RETREG1: variants seen among roughly 807,000 people sequenced by gnomAD.
RETREG1 encodes family with sequence similarity 134 member B.
In RETREG1, 44 loss-of-function variants were observed where a neutral mutation model predicts 54.8. That is an observed-to-expected ratio of 0.80 (90% CI 0.63 to 1.03). RETREG1 has a LOEUF of 1.03. Among genes scored for constraint, RETREG1 ranks in the 50% least tolerant of loss-of-function variants. The pLI, the probability that RETREG1 is intolerant of heterozygous loss-of-function variation, is 0.00. For synonymous variants in RETREG1, 217 were observed against 238.5 expected (o/e 0.91, Z 0.83); for missense variants, 554 against 605.1 (o/e 0.92, Z 0.89).
rs779070741 is a variant in RETREG1 at position 16,483,422 on chromosome 5, C to G, written c.509G>C (p.Cys170Ser). 1.5e-5 allele frequency: 24 copies of G among 1,613,128 alleles called. No individual in the cohort carries two copies. The highest frequency in any genetic ancestry group is 1.7e-6 in the Non-Finnish European group (2 of 1,179,348). ...GAAATTCATCCATGATTCTGCAATA[C>G]AGTGGCTGAGCCTGGGTCTTTCATC... is the stretch of plus-strand genomic sequence containing the variant. Reference protein sequence around the residue: ...KPDERPRLSHCIAESWMNFSI... With the variant: ...KPDERPRLSHSIAESWMNFSI... The change falls in exon 4 of 9, where the codon TGT (cysteine) becomes TCT (serine). Residue 170 changes from cysteine to serine, a missense_variant. Physicochemically the swap from Cys to Ser is moderately radical, Grantham distance 112. Around this residue, in one of 4 missense-constraint regions of RETREG1, gnomAD observed 347 missense variants for 412.3 expected, o/e 0.84. Transcript: ENST00000306320.
At chr5:16,598,010 TC>T (rs1742949170) in intron 1 of RETREG1, among the ~76,000 whole-genome samples, 1 of 151,922 alleles carries the variant, frequency 6.6e-6, no homozygotes, top group Non-Finnish European at 1.5e-5. Flanking sequence ...CCACTCCAGT[TC>T]CAGGCTCTTC....
chr5:16,557,667 C>A (rs202051632), intron 3 of RETREG1, among the ~76,000 whole-genome samples: 4 of 151,120 alleles, frequency 2.6e-5, no homozygotes, highest in Non-Finnish European at 5.9e-5. Context: ...GAATAAAAGG[C>A]CCATTTGGGT....
intron 1 of RETREG1, among the ~76,000 whole-genome samples, chr5:16,604,543 A>G (rs1743134151): frequency 6.6e-6 from 1 of 152,218 alleles, no homozygotes; most frequent in South Asian, 2.1e-4. Flanking sequence ...CTTTACCTAG[A>G]AACTCAGGAA....
At chr5:16,524,141 C>T (rs1740624773) in intron 3 of RETREG1, among the ~76,000 whole-genome samples, 2 of 152,230 alleles carry the variant, frequency 1.3e-5, no homozygotes, top group Admixed American at 1.3e-4. Context: ...GCAACACCAG[C>T]AATGAACCCA....
chr5:16,614,149 T>A (rs1743426093), intron 1 of RETREG1, among the ~76,000 whole-genome samples: 1 of 152,210 alleles, frequency 6.6e-6, no homozygotes, highest in Admixed American at 6.5e-5. Flanking sequence ...ATAAATAAAA[T>A]GGATGGAAGA....
chr5:16,615,253 G>A (rs1215937988), intron 1 of RETREG1, among the ~76,000 whole-genome samples: 4 of 151,676 alleles, frequency 2.6e-5, no homozygotes, highest in African/African-American at 9.7e-5. Context: ...ACAAAAAACT[G>A]GCCAGGCGTG....
chr5:16,481,925 A>G (rs1384029274), intron 4 of RETREG1, among the ~76,000 whole-genome samples: 1 of 152,074 alleles, frequency 6.6e-6, no homozygotes, highest in Non-Finnish European at 1.5e-5. Flanking sequence ...AAACAGTGAT[A>G]GTAAATTAAA....
intron 3 of RETREG1, among the ~76,000 whole-genome samples, chr5:16,505,890 C>G (rs1480667252): frequency 6.6e-6 from 1 of 152,214 alleles, no homozygotes; most frequent in Non-Finnish European, 1.5e-5. Flanking sequence ...CTGCCTTCCT[C>G]GCCTGCTTCA....
chr5:16,586,965 C>T lies in RETREG1; in HGVS notation c.321-14863G>A, dbSNP rs113911378. Among the ~76,000 whole-genome samples, 766 of 152,310 alleles carry T rather than the reference C, an allele frequency of 5.0e-3. 7 individuals are homozygous for T. The highest frequency in any genetic ancestry group is 0.017 in the African/African-American group (719 of 41,564). On this transcript the variant is annotated intron_variant, in intron 1 of 8. Transcript: ENST00000306320. The stretch of plus-strand genomic sequence containing the variant: ...AAGGGGCAAAAGATCTCTCTGGGGT[C>T]TCTTTTAAAGGGCACTAATCCCATT...
At chr5:16,613,645 T>C (rs78798806) in intron 1 of RETREG1, among the ~76,000 whole-genome samples, 13 of 152,302 alleles carry the variant, frequency 8.5e-5, no homozygotes, top group African/African-American at 3.1e-4. Flanking sequence ...CAAAAATATA[T>C]CTTTAAAAAG....
rs1216562310 is a variant in RETREG1, at chr5:16,561,159, G to C, written c.458+4604C>G. On this transcript the variant is annotated intron_variant, in intron 3 of 8. Coordinates refer to ENST00000306320, the MANE Select transcript of RETREG1 (RefSeq NM_001034850.3). This position sits in a 1 kb window ranked among gnomAD's most constrained non-coding sequence, Gnocchi z 4.2. Reference sequence around the variant, plus strand: ...CCAGAATGAAAGTTAGCTGTACCTGGATATACACCTAACCAGTTCTAGAAT... The same window carrying C: ...CCAGAATGAAAGTTAGCTGTACCTGCATATACACCTAACCAGTTCTAGAAT... Among the ~76,000 whole-genome samples the C allele has an allele frequency of 2.0e-5, 3 of 151,726 alleles. No homozygotes were observed. Among genetic ancestry groups the C allele is most frequent in the African/African-American group, 7.3e-5 (3 of 41,270 alleles).
At chr5:16,601,391 C>CTT (rs530475440) in intron 1 of RETREG1, among the ~76,000 whole-genome samples, 17 of 140,838 alleles carry the variant, frequency 1.2e-4, no homozygotes, top group African/African-American at 2.3e-4. Context: ...GAGGAATTTT[C>CTT]TTTTTTTTTT....
intron 1 of RETREG1, among the ~76,000 whole-genome samples, chr5:16,581,717 T>C (rs979993720): frequency 6.7e-6 from 1 of 149,020 alleles, no homozygotes; most frequent in Non-Finnish European, 1.5e-5. Context: ...TCTCTATAGA[T>C]TGATGGCCTT....
chr5:16,555,908 T>C (rs1741691328), intron 3 of RETREG1, among the ~76,000 whole-genome samples: 1 of 152,220 alleles, frequency 6.6e-6, no homozygotes, highest in Non-Finnish European at 1.5e-5. Flanking sequence ...TTTTTTCTTT[T>C]ATAATTTAAA....
chr5:16,488,735 T>G (rs1739120413), intron 3 of RETREG1, among the ~76,000 whole-genome samples: 1 of 152,194 alleles, frequency 6.6e-6, no homozygotes, highest in South Asian at 2.1e-4. Context: ...CTTGCCTCAG[T>G]AGCAGAGAAT....
At chr5:16,504,326 C>CCAT (rs1739855422) in intron 3 of RETREG1, among the ~76,000 whole-genome samples, 1 of 152,162 alleles carries the variant, frequency 6.6e-6, no homozygotes, top group Non-Finnish European at 1.5e-5. Flanking sequence ...TGGGTTGATT[C>CCAT]CATGTCTTTG....
intron 1 of RETREG1, among the ~76,000 whole-genome samples, chr5:16,608,421 A>G (rs1743254211): frequency 1.3e-5 from 2 of 152,164 alleles, no homozygotes; most frequent in Admixed American, 6.5e-5. Flanking sequence ...CTACATGGAA[A>G]TCGCTCACCA....
intron 3 of RETREG1, among the ~76,000 whole-genome samples, chr5:16,530,598 C>A (rs1183404180): frequency 6.6e-6 from 1 of 152,184 alleles, no homozygotes; most frequent in Non-Finnish European, 1.5e-5. Flanking sequence ...GAGGGCCGGG[C>A]ACAGTGACTC....
rs570911443 is a variant in RETREG1, at chr5:16,485,472, A to G, written c.459-2000T>C. On this transcript the variant is annotated intron_variant, in intron 3 of 8. Coordinates refer to ENST00000306320, the MANE Select transcript of RETREG1 (RefSeq NM_001034850.3). ...GCATGAACCACTGCGCGAGGACAAAAAAATATTTTTTTGAATGAATAGTAC... is the reference window on the plus strand; with the variant it reads ...GCATGAACCACTGCGCGAGGACAAAGAAATATTTTTTTGAATGAATAGTAC... Among the ~76,000 whole-genome samples the G allele has an allele frequency of 2.0e-5, 3 of 152,306 alleles. No individual in the cohort carries two copies. The East Asian group carries it at 5.8e-4, about 29-fold the overall frequency.
Sources: allele counts gnomAD v4.1 joint callset (sites outside exome capture counted in the v4.1 genomes callset), GRCh38; gene constraint gnomAD v4.1.1; regional missense constraint gnomAD v4.1.1; non-coding constraint Gnocchi (gnomAD v3.1); transcripts MANE v1.5; gene names NCBI Gene and HGNC (gene_info 2026-07-23, HGNC 2026-07-21).